Variants in NAV2 observed in about 807,000 individuals in gnomAD.
NAV2 encodes helicase, APC down-regulated 1.
NAV2 carries 54 observed loss-of-function variants against 223.2 expected under a neutral mutation model. That is an observed-to-expected ratio of 0.24 (90% confidence interval 0.19 to 0.30). The LOEUF is 0.30. Among genes scored for constraint, NAV2 ranks in the 10% least tolerant of loss-of-function variants. The pLI is 1.00. For missense variants in NAV2, 2,806 were observed against 3,147.5 expected (o/e 0.89, Z 2.60); for synonymous variants, 1,279 against 1,239.3 (o/e 1.03, Z -0.67).
intron 1 of NAV2, among the ~76,000 whole-genome samples, chr11:19,758,992 G>A (rs997865175): frequency 6.6e-5 from 10 of 151,648 alleles, no homozygotes; most frequent in South Asian, 2.1e-4. Flanking sequence ...CTAAAGAACC[G>A]AATAAGATCC....
intron 3 of NAV2, among the ~76,000 whole-genome samples, chr11:19,857,872 T>G (rs2061485133): frequency 6.6e-6 from 1 of 152,218 alleles, no homozygotes; most frequent in African/African-American, 2.4e-5. Flanking sequence ...TTATTATTAT[T>G]TTTTGAGACA....
At chr11:19,374,127 C>T (rs1848561873) in intron 1 of NAV2, among the ~76,000 whole-genome samples, 1 of 152,066 alleles carries the variant, frequency 6.6e-6, no homozygotes, top group South Asian at 2.1e-4. Context: ...CACGTATCAC[C>T]AGTCTTGTTT....
intron 12 of NAV2, among the ~76,000 whole-genome samples, chr11:20,039,452 C>T (rs2056711073): frequency 6.6e-6 from 1 of 152,174 alleles, no homozygotes; most frequent in Admixed American, 6.5e-5. Flanking sequence ...TCCTCTCCTT[C>T]CCTTCGTCCC....
intron 1 of NAV2, among the ~76,000 whole-genome samples, chr11:19,638,005 A>G (rs149469317): frequency 4.5e-4 from 68 of 152,328 alleles, no homozygotes; most frequent in Non-Finnish European, 8.5e-4. Context: ...AATATTCTAC[A>G]TATGTTATCT....
chr11:20,031,847 C>G (rs920289333), intron 11 of NAV2, among the ~76,000 whole-genome samples: 13 of 152,110 alleles, frequency 8.5e-5, no homozygotes, highest in Non-Finnish European at 2.9e-5. Flanking sequence ...CTTTACTGGA[C>G]TTCACAGCTG....
chr11:19,452,117 T>TAA (rs2133798172), intron 1 of NAV2, among the ~76,000 whole-genome samples: 1 of 90,794 alleles, frequency 1.1e-5, no homozygotes, highest in East Asian at 2.6e-4. Context: ...AGTGTGTGTG[T>TAA]GTGTGTGTGT....
chr11:19,871,992 A>T (rs1227025145), intron 4 of NAV2, among the ~76,000 whole-genome samples: 1 of 152,146 alleles, frequency 6.6e-6, no homozygotes, highest in Non-Finnish European at 1.5e-5. Context: ...ACATTCTGTC[A>T]TCTAGATCTT....
intron 11 of NAV2, among the ~76,000 whole-genome samples, chr11:19,994,920 C>T (rs1478838980): frequency 5.9e-5 from 9 of 152,206 alleles, no homozygotes. Context: ...GTTAGTAGCC[C>T]AGTGACTACT....
At chr11:19,676,371 T>G (rs78187664) in intron 1 of NAV2, among the ~76,000 whole-genome samples, 1,791 of 152,238 alleles carry the variant, frequency 0.012, 47 homozygotes, top group East Asian at 0.082. Flanking sequence ...ATTTGCAAAA[T>G]GAAGATAATA....
chr11:19,676,786 C>A (rs958627399), intron 1 of NAV2, among the ~76,000 whole-genome samples: 2 of 152,184 alleles, frequency 1.3e-5, no homozygotes, highest in Non-Finnish European at 2.9e-5. Flanking sequence ...TTCCCACTGG[C>A]GACTCAATTC....
At chr11:19,827,947 C>T (rs1246499728) in intron 1 of NAV2, among the ~76,000 whole-genome samples, 1 of 151,968 alleles carries the variant, frequency 6.6e-6, no homozygotes, top group Non-Finnish European at 1.5e-5. Context: ...AGAGCGGAAT[C>T]CCGTCTCTAC....
intron 5 of NAV2, chr11:19,884,385 C>A (rs764557895): frequency 7.9e-5 from 127 of 1,598,248 alleles, no homozygotes; most frequent in Non-Finnish European, 1.1e-4. Flanking sequence ...CTGTGTCCTG[C>A]AAAGCATGGT....
chr11:19,724,118 C>G (rs2051022450), intron 1 of NAV2, among the ~76,000 whole-genome samples: 1 of 152,156 alleles, frequency 6.6e-6, no homozygotes, highest in Non-Finnish European at 1.5e-5. Flanking sequence ...CATCTGTTCC[C>G]ATAGCTCCAT....
At chr11:20,082,270 G>T (rs903844079) in intron 25 of NAV2, among the ~76,000 whole-genome samples, 3 of 152,136 alleles carry the variant, frequency 2.0e-5, no homozygotes, top group African/African-American at 4.8e-5. Context: ...GCACAGAGAG[G>T]TGACTGACAA....
chr11:19,540,859 T>A (rs2044320471), intron 1 of NAV2, among the ~76,000 whole-genome samples: 1 of 152,026 alleles, frequency 6.6e-6, no homozygotes, highest in African/African-American at 2.4e-5. Flanking sequence ...GCCTCTGCAC[T>A]CCAGCCAGGG....
chr11:19,556,801 T>C (rs1340694765), intron 1 of NAV2, among the ~76,000 whole-genome samples: 1 of 152,246 alleles, frequency 6.6e-6, no homozygotes, highest in Non-Finnish European at 1.5e-5. Flanking sequence ...CAAAGTTGTC[T>C]ATATAGCTAA....
At chr11:19,835,272 T>A (rs549947894) in intron 2 of NAV2, among the ~76,000 whole-genome samples, 1 of 152,296 alleles carries the variant, frequency 6.6e-6, no homozygotes, top group African/African-American at 2.4e-5. Flanking sequence ...ACTAAATTGC[T>A]TCCCTAAACC....
Position 19,897,991 on chromosome 11 carries a change from A to G in NAV2, c.931+5397A>G, listed in dbSNP as rs190566219. 8.4e-3 allele frequency among the ~76,000 whole-genome samples: 1,271 copies of G among 150,912 alleles called. 18 individuals are homozygous for G. The highest frequency in any genetic ancestry group is 0.028 in the African/African-American group (1,154 of 40,912). On this transcript the variant is annotated intron_variant, in intron 6 of 37. Coordinates refer to ENST00000349880, the MANE Select transcript of NAV2 (RefSeq NM_145117.5). ...CTCCAGACCAGAATCACAGATTTTCAGGGGCAAAGAAATAGCTGTCTTTTT... is the reference window on the plus strand; with the variant it reads ...CTCCAGACCAGAATCACAGATTTTCGGGGGCAAAGAAATAGCTGTCTTTTT...
intron 1 of NAV2, among the ~76,000 whole-genome samples, chr11:19,831,522 C>A (rs1410866912): frequency 6.6e-6 from 1 of 152,068 alleles, no homozygotes; most frequent in Non-Finnish European, 1.5e-5. Flanking sequence ...GGTGCTGATA[C>A]CCTAAGGCCT....
Sources: allele counts gnomAD v4.1 joint callset (sites outside exome capture counted in the v4.1 genomes callset), GRCh38; gene constraint gnomAD v4.1.1; transcripts MANE v1.5; gene names NCBI Gene and HGNC (gene_info 2026-07-23, HGNC 2026-07-21).